TTC9: variants seen among roughly 807,000 people sequenced by gnomAD.
TTC9 encodes tetratricopeptide repeat protein 9A.
TTC9 carries 13 observed loss-of-function variants against 22.9 expected under a neutral mutation model. That is an observed-to-expected ratio of 0.57 (90% CI 0.37 to 0.90). The LOEUF (loss-of-function observed/expected upper bound fraction) is 0.90, where lower values mean the gene tolerates loss of function less well. Among genes scored for constraint, TTC9 ranks in the 40% least tolerant of loss-of-function variants. TTC9 has a pLI of 0.01. For synonymous variants in TTC9, 148 were observed against 133.2 expected, an observed-to-expected ratio of 1.11 and a Z score of -0.77; for missense variants, 280 against 291.8, an observed-to-expected ratio of 0.96 and a Z score of 0.29.
At chr14:70,668,995 A>C (rs575434497) in intron 2 of TTC9, among the ~76,000 whole-genome samples, 1 of 152,170 alleles carries the variant, frequency 6.6e-6, no homozygotes, top group South Asian at 2.1e-4. Flanking sequence ...TCTCTACTAA[A>C]AATACAAAAA....
chr14:70,648,962 G>A (rs571799023), intron 1 of TTC9, among the ~76,000 whole-genome samples: 1 of 152,290 alleles, frequency 6.6e-6, no homozygotes, highest in Non-Finnish European at 1.5e-5. Flanking sequence ...GACGTACAAT[G>A]TCATATCCCC....
chr14:70,645,982 C>A (rs1885896042), intron 1 of TTC9, among the ~76,000 whole-genome samples: 1 of 152,170 alleles, frequency 6.6e-6, no homozygotes, highest in African/African-American at 2.4e-5. Context: ...TTGTACTCCA[C>A]ATGGAAGCCT....
intron 1 of TTC9, among the ~76,000 whole-genome samples, chr14:70,643,252 G>C (rs1005215203): frequency 1.3e-5 from 2 of 152,230 alleles, no homozygotes; most frequent in African/African-American, 4.8e-5. Flanking sequence ...CCTCACGCCA[G>C]CTGGCTGCTA....
chr14:70,646,376 A>T (rs1057254513), intron 1 of TTC9, among the ~76,000 whole-genome samples: 2 of 152,164 alleles, frequency 1.3e-5, no homozygotes, highest in African/African-American at 4.8e-5. Context: ...ACTCTTCTTG[A>T]CATTGAACAA....
At chr14:70,665,910 C>G (rs1886208899) in intron 1 of TTC9, among the ~76,000 whole-genome samples, 1 of 152,190 alleles carries the variant, frequency 6.6e-6, no homozygotes, top group South Asian at 2.1e-4. Context: ...AACAGAGCAT[C>G]AGCATTCTCC....
intron 1 of TTC9, among the ~76,000 whole-genome samples, chr14:70,659,132 G>GCGCGCACGCACACACA (rs762892061): frequency 6.9e-6 from 1 of 144,226 alleles, no homozygotes; most frequent in East Asian, 2.0e-4. Flanking sequence ...ACACACACAC[G>GCGCGCACGCACACACA]CACACACACA....
At chr14:70,654,178 G>A (rs930373896) in intron 1 of TTC9, among the ~76,000 whole-genome samples, 1 of 152,090 alleles carries the variant, frequency 6.6e-6, no homozygotes. Context: ...TGAAGAGGCA[G>A]TGCTTTCTGC....
chr14:70,642,010 C>G lies in TTC9; in HGVS notation c.-120C>G. 1 of 638,158 alleles carries G rather than the reference C, an allele frequency of 1.6e-6. No homozygotes were observed. The highest frequency in any genetic ancestry group is 2.0e-6 in the Non-Finnish European group (1 of 509,754). 39.5% of individuals were successfully genotyped at this position (638,158 alleles called of 1,614,324 possible). ...CCAGACCGCCGCGGGGTGTCACGGC[C>G]GCCACGAAGCCTGCGAGGCGCGGGG... On this transcript the variant is annotated 5_prime_UTR_variant, in exon 1 of 3. Transcript: ENST00000256367.
At chr14:70,665,525 T>C (rs1886203801) in intron 1 of TTC9, among the ~76,000 whole-genome samples, 1 of 152,136 alleles carries the variant, frequency 6.6e-6, no homozygotes, top group African/African-American at 2.4e-5. Flanking sequence ...AAGATTGTAG[T>C]CCTGGGTGAA....
intron 1 of TTC9, among the ~76,000 whole-genome samples, chr14:70,644,841 G>A (rs545720706): frequency 9.5e-4 from 145 of 152,066 alleles, no homozygotes; most frequent in Non-Finnish European, 1.5e-3. Flanking sequence ...GGCTGGGTGC[G>A]GTGGCTCACT....
chr14:70,663,810 A>G (rs766419159), intron 1 of TTC9, among the ~76,000 whole-genome samples: 1 of 152,180 alleles, frequency 6.6e-6, no homozygotes, highest in African/African-American at 2.4e-5. Flanking sequence ...ACACAGCAGA[A>G]GGGAGTTTCC....
At chr14:70,647,282 T>A (rs549123553) in intron 1 of TTC9, among the ~76,000 whole-genome samples, 26 of 152,360 alleles carry the variant, frequency 1.7e-4, no homozygotes, top group African/African-American at 6.0e-4. Flanking sequence ...TAAACTATTT[T>A]TATTTCACTT....
At chr14:70,647,278 A>G (rs1417769283) in intron 1 of TTC9, among the ~76,000 whole-genome samples, 1 of 152,118 alleles carries the variant, frequency 6.6e-6, no homozygotes, top group African/African-American at 2.4e-5. Context: ...AAACTAAACT[A>G]TTTTTATTTC....
chr14:70,659,266 G>A (rs1358029639), intron 1 of TTC9, among the ~76,000 whole-genome samples: 1 of 152,078 alleles, frequency 6.6e-6, no homozygotes, highest in Non-Finnish European at 1.5e-5. Flanking sequence ...CAAGATATTA[G>A]CGCTAAGGGA....
At chr14:70,669,884 A>T (rs989941962) in intron 2 of TTC9, among the ~76,000 whole-genome samples, 1 of 152,190 alleles carries the variant, frequency 6.6e-6, no homozygotes, top group Non-Finnish European at 1.5e-5. Context: ...TATTCCAGGC[A>T]GCCCTGTCAC....
chr14:70,671,656 G>A lies in TTC9; in HGVS notation c.*501G>A, dbSNP rs76157010. The A allele has an allele frequency of 0.027, 4,229 of 155,754 alleles. 199 individuals carry two copies. The highest frequency in any genetic ancestry group is 0.097 in the African/African-American group (4,033 of 41,414). 9.6% of individuals were successfully genotyped at this position (155,754 alleles called of 1,614,324 possible). On this transcript the variant is annotated 3_prime_UTR_variant, in exon 3 of 3. Coordinates refer to ENST00000256367, the MANE Select transcript of TTC9 (RefSeq NM_015351.2). ...CGCTGGTGAAGCCAACATAGAGACT[G>A]TCAATGTGTACACTGGAGTTCCCAC...
chr14:70,662,525 G>A (rs933046619), intron 1 of TTC9, among the ~76,000 whole-genome samples: 23 of 152,146 alleles, frequency 1.5e-4, no homozygotes, highest in Middle Eastern at 3.4e-3. Context: ...AAAGATACCT[G>A]ACCTTGATTA....
chr14:70,667,821 T>A, intron 2 of TTC9, 75 bp downstream of exon 2: 1 of 1,477,244 alleles, frequency 6.8e-7, no homozygotes, highest in Non-Finnish European at 9.1e-7. Flanking sequence ...TTCAGCAGTT[T>A]TCTTGGCTAG....
chr14:70,659,288 G>A (rs960487897), intron 1 of TTC9, among the ~76,000 whole-genome samples: 1 of 152,164 alleles, frequency 6.6e-6, no homozygotes, highest in African/African-American at 2.4e-5. Context: ...AATGGGTAAA[G>A]GGTATGGGAG....
Sources: allele counts gnomAD v4.1 joint callset (sites outside exome capture counted in the v4.1 genomes callset), GRCh38; gene constraint gnomAD v4.1.1; transcripts MANE v1.5; gene names NCBI Gene and HGNC (gene_info 2026-07-23, HGNC 2026-07-21).